The following IFNLR1 variants were observed in gnomAD, a reference collection of about 807,000 sequenced individuals.
The protein encoded by IFNLR1 is interferon lambda receptor 1.
A neutral mutation model predicts 52.5 loss-of-function variants in IFNLR1; 28 were observed. That is an observed-to-expected ratio of 0.53 (90% CI 0.40 to 0.73). The LOEUF (loss-of-function observed/expected upper bound fraction) is 0.73, where lower values mean the gene tolerates loss of function less well. Ranked by LOEUF, IFNLR1 falls within the 30% of genes least tolerant of loss-of-function variation. The pLI is 0.00. For missense variants in IFNLR1, 623 were observed against 659.1 expected (o/e 0.95, Z 0.60); for synonymous variants, 276 against 274.9 (o/e 1.00, Z -0.04).
Position 24,156,057 on chromosome 1 carries a change from G to A in IFNLR1, c.*1073C>T, listed in dbSNP as rs1185612062. 2 of 152,210 alleles carry A rather than the reference G, an allele frequency of 1.3e-5. No homozygotes were observed. Among genetic ancestry groups the A allele is most frequent in the Non-Finnish European group, 2.9e-5 (2 of 68,048 alleles). The allele number at this position is 152,210 out of a possible 1,614,324, so 9.4% of individuals were successfully genotyped here. Reference sequence around the variant, plus strand: ...GAAGTCCGATTCCTGCCATGTTACTGTCCTACTCCAACAAACTGGGTCCCT... The same window carrying A: ...GAAGTCCGATTCCTGCCATGTTACTATCCTACTCCAACAAACTGGGTCCCT... On this transcript the variant is annotated 3_prime_UTR_variant, in exon 7 of 7. Transcript: ENST00000327535.
At chr1:24,177,307 C>T (rs1432157349) in intron 2 of IFNLR1, among the ~76,000 whole-genome samples, 1 of 152,160 alleles carries the variant, frequency 6.6e-6, no homozygotes. Flanking sequence ...AAGAAAGAAG[C>T]CATAGTGACT....
At chr1:24,180,351 C>T (rs1247577727) in intron 2 of IFNLR1, among the ~76,000 whole-genome samples, 1 of 151,896 alleles carries the variant, frequency 6.6e-6, no homozygotes, top group Non-Finnish European at 1.5e-5. Flanking sequence ...GCCTAATTGC[C>T]CAGGTAACAG....
Position 24,169,585 on chromosome 1 carries a change from G to A in IFNLR1, c.199C>T (p.Arg67Trp), listed in dbSNP as rs774477900. 9.3e-6 allele frequency: 15 copies of A among 1,613,358 alleles called. No individual in the cohort carries two copies. The highest frequency in any genetic ancestry group is 6.7e-5 in the Admixed American group (4 of 59,942). The stretch of plus-strand genomic sequence containing the variant: ...GCACACTCTTCCACTTCGCGCCACC[G>A]TCTACGGGTGGGAGAGCTGGGGGAG... ...VAYQSSPTRR[R>W]WREVEECAGT... The change falls in exon 3 of 7, where the codon CGG becomes TGG. Residue 67 changes from arginine (R) to tryptophan (W), a missense_variant. Transcript: ENST00000327535.
At chr1:24,172,436 TA>T (rs770384137) in intron 2 of IFNLR1, among the ~76,000 whole-genome samples, 5 of 151,884 alleles carry the variant, frequency 3.3e-5, no homozygotes, top group Non-Finnish European at 5.9e-5. Flanking sequence ...AAAACCTAAT[TA>T]GAAAAACTCA....
intron 2 of IFNLR1, among the ~76,000 whole-genome samples, chr1:24,170,932 A>T (rs937260416): frequency 6.6e-6 from 1 of 152,222 alleles, no homozygotes; most frequent in African/African-American, 2.4e-5. Context: ...GAAAGAACCA[A>T]TTCCTCTGTT....
intron 2 of IFNLR1, among the ~76,000 whole-genome samples, chr1:24,171,868 C>A (rs1284126049): frequency 3.9e-5 from 6 of 151,980 alleles, no homozygotes; most frequent in African/African-American, 1.5e-4. Context: ...GTTGCCCAGG[C>A]TGGTCTCAAA....
intron 3 of IFNLR1, among the ~76,000 whole-genome samples, chr1:24,167,532 G>A (rs940860964): frequency 6.6e-6 from 1 of 150,848 alleles, no homozygotes; most frequent in African/African-American, 2.4e-5. Flanking sequence ...CTACAGGTGT[G>A]TGCCACCACA....
chr1:24,183,822 CG>C (rs1225620274), intron 1 of IFNLR1, among the ~76,000 whole-genome samples: 49 of 152,188 alleles, frequency 3.2e-4, no homozygotes, highest in Admixed American at 3.2e-3. Context: ...CTCCACCTCC[CG>C]GGTTCAAGCG....
In IFNLR1 at chr1:24,162,790, T is replaced by C. The variant is rs12723433; in HGVS notation, c.368-1106A>G. ...TTTCTTTCTTTCTTTTTCTTTCTTTTTCTTTCTTTCTTTTTTCTTTCTTTT... is the reference window on the plus strand; with the variant it reads ...TTTCTTTCTTTCTTTTTCTTTCTTTCTCTTTCTTTCTTTTTTCTTTCTTTT... On this transcript the variant is annotated intron_variant, in intron 3 of 6. Coordinates refer to ENST00000327535, the MANE Select transcript of IFNLR1 (RefSeq NM_170743.4). Among the ~76,000 whole-genome samples, 88 of 87,790 alleles carry C rather than the reference T, an allele frequency of 1.0e-3. 4 individuals are homozygous for C. In the East Asian group the frequency reaches 0.015, roughly 15 times the overall value. 57.6% of individuals were successfully genotyped at this position (87,790 alleles called of 152,430 possible). A position where few individuals can be genotyped will look rare whatever the true frequency, so the allele number is the denominator to read the frequency against.
rs1021721452 is a variant in IFNLR1, at chr1:24,157,549, C to G, written c.1144G>C (p.Ala382Pro). The G allele has an allele frequency of 5.6e-6, 9 of 1,612,054 alleles. No homozygotes were observed. In the Admixed American group the frequency reaches 8.4e-5, roughly 15 times the overall value. The change falls in exon 7 of 7, where the codon GCT becomes CCT. Residue 382 changes from alanine (A) to proline (P), a missense_variant. Transcript: ENST00000327535. The surrounding 1 kb of genome is among the most constrained non-coding windows in gnomAD (Gnocchi z 5.1). ...APLVPSEGSS[A>P]WDSSDRSWAS... ...CAGCTTCTGTCTGAAGAATCCCAAG[C>G]AGAGGAGCCTTCGCTTGGGACCAGA...
chr1:24,159,192 G>A lies in IFNLR1; in HGVS notation c.671-10C>T, dbSNP rs1306355166. 6.2e-7 allele frequency: 1 copy of A among 1,613,130 alleles called. No individual in the cohort carries two copies. The highest frequency in any genetic ancestry group is 1.3e-5 in the African/African-American group (1 of 74,828). On this transcript the variant is annotated splice_polypyrimidine_tract_variant and intron_variant, in intron 5 of 6. Transcript: ENST00000327535. ...AAAGCCCAGTTGGCTTCTAAGGAAG[G>A]AAAAATAACAATGAGAGAAACAACA...
intron 3 of IFNLR1, among the ~76,000 whole-genome samples, chr1:24,165,334 T>C (rs1223794775): frequency 6.6e-6 from 1 of 152,234 alleles, no homozygotes; most frequent in Admixed American, 6.5e-5. Context: ...AACAAGTTTC[T>C]TCCTTTCTCA....
At chr1:24,186,630 G>T (rs1236949927) in intron 1 of IFNLR1, among the ~76,000 whole-genome samples, 1 of 151,948 alleles carries the variant, frequency 6.6e-6, no homozygotes, top group East Asian at 1.9e-4. Flanking sequence ...GAGGAATTTT[G>T]TACCTGACAC....
At chr1:24,171,056 A>G (rs994317182) in intron 2 of IFNLR1, among the ~76,000 whole-genome samples, 26 of 152,244 alleles carry the variant, frequency 1.7e-4, no homozygotes, top group African/African-American at 6.0e-4. Context: ...AATACTAAAG[A>G]TGAAAAGAAC....
At chr1:24,163,579 CTTT>C (rs78681512) in intron 3 of IFNLR1, among the ~76,000 whole-genome samples, 9 of 50,972 alleles carry the variant, frequency 1.8e-4, no homozygotes, top group South Asian at 1.4e-3. Flanking sequence ...ACATCTCTTT[CTTT>C]TTTCTTTTTT....
chr1:24,162,861 T>C (rs1229744774), intron 3 of IFNLR1, among the ~76,000 whole-genome samples: 6 of 83,856 alleles, frequency 7.2e-5, no homozygotes, highest in Non-Finnish European at 1.2e-4. Flanking sequence ...CTTTCTTTCT[T>C]TCTTTCTTTC....
At chr1:24,181,221 T>C (rs1217680787) in intron 1 of IFNLR1, among the ~76,000 whole-genome samples, 1 of 152,182 alleles carries the variant, frequency 6.6e-6, no homozygotes, top group East Asian at 1.9e-4. Context: ...TAAACATCTG[T>C]TGAGTAAATG....
intron 1 of IFNLR1, among the ~76,000 whole-genome samples, chr1:24,182,632 T>A (rs577904474): frequency 6.6e-6 from 1 of 152,096 alleles, no homozygotes; most frequent in African/African-American, 2.4e-5. Context: ...GGTAAAAAAA[T>A]AAATACAGGC....
rs1644357692 is a variant in IFNLR1 at position 24,154,308 on chromosome 1, A to T, written c.*2822T>A. On this transcript the variant is annotated 3_prime_UTR_variant, in exon 7 of 7. Coordinates refer to ENST00000327535, the MANE Select transcript of IFNLR1 (RefSeq NM_170743.4). ...CATAAGAACAACATATACCGTTAGT[A>T]GTCTAAAGGGATACATGTTGCTTTC... 1.3e-5 allele frequency: 2 copies of T among 152,220 alleles called. No homozygotes were observed. The highest frequency in any genetic ancestry group is 4.1e-4 in the South Asian group (2 of 4,830). The allele number at this position is 152,220 out of a possible 1,614,324, so 9.4% of individuals were successfully genotyped here. A position where few individuals can be genotyped will look rare whatever the true frequency, so the allele number is the denominator to read the frequency against.
Sources: gnomAD v4.1 joint callset for allele counts (sites outside exome capture counted in the v4.1 genomes callset) on GRCh38, gnomAD v4.1.1 for gene constraint, Gnocchi (gnomAD v3.1) non-coding constraint, MANE v1.5 for transcripts, NCBI Gene and HGNC (gene_info 2026-07-23, HGNC 2026-07-21) for gene names.